TENM4: variants seen among roughly 807,000 people sequenced by gnomAD.
TENM4 encodes the protein teneurin-4.
A neutral mutation model predicts 243.3 loss-of-function variants in TENM4; 82 were observed. The ratio of observed to expected loss-of-function variants is 0.34; its 90% CI spans 0.28 to 0.40. The LOEUF is 0.40. Ranked by LOEUF, TENM4 falls within the 10% of genes least tolerant of loss-of-function variation. The pLI is 1.00. For synonymous variants in TENM4, 1,412 were observed against 1,456.3 expected, an observed-to-expected ratio of 0.97 and a Z score of 0.69; for missense variants, 3,138 against 3,673.3, an observed-to-expected ratio of 0.85 and a Z score of 3.77.
At chr11:79,184,542 GGT>G (rs60559034) in intron 3 of TENM4, among the ~76,000 whole-genome samples, 10,399 of 148,876 alleles carry the variant, frequency 0.07, 831 homozygotes, top group East Asian at 0.4. Flanking sequence ...ATGGGGTAGG[GGT>G]GTGGGGGTGG....
chr11:78,712,760 T>C (rs752829559), intron 25 of TENM4, 46 bp from the exon 26 acceptor site: 3 of 1,556,122 alleles, frequency 1.9e-6, no homozygotes, highest in Non-Finnish European at 2.7e-6. Context: ...TTCTTCTTCC[T>C]ATGAGTAGCT....
chr11:78,761,775 T>C (rs1856436304), intron 18 of TENM4, among the ~76,000 whole-genome samples: 1 of 150,834 alleles, frequency 6.6e-6, no homozygotes, highest in Non-Finnish European at 1.5e-5. Context: ...CTGTTTTTTT[T>C]AGTCCTTTTC....
intron 6 of TENM4, among the ~76,000 whole-genome samples, chr11:79,051,833 T>G (rs1591242937): frequency 6.6e-6 from 1 of 152,190 alleles, no homozygotes; most frequent in Non-Finnish European, 1.5e-5. Flanking sequence ...CCATGTGTTC[T>G]CAGCATTCAG....
intron 2 of TENM4, among the ~76,000 whole-genome samples, chr11:79,256,600 C>T (rs1855704532): frequency 6.6e-6 from 1 of 152,232 alleles, no homozygotes; most frequent in East Asian, 1.9e-4. Flanking sequence ...GAGTTTCCAT[C>T]TCAGAGTTCA....
chr11:78,724,740 C>T (rs1303695134), intron 23 of TENM4, among the ~76,000 whole-genome samples: 2 of 152,248 alleles, frequency 1.3e-5, no homozygotes, highest in African/African-American at 2.4e-5. Flanking sequence ...CAGCTACATC[C>T]ACGACTAAGT....
At chr11:79,169,981 C>T (rs1591330214) in intron 3 of TENM4, among the ~76,000 whole-genome samples, 1 of 152,180 alleles carries the variant, frequency 6.6e-6, no homozygotes. Context: ...TAGGATGGGG[C>T]TTTTCTTTCT....
intron 9 of TENM4, among the ~76,000 whole-genome samples, chr11:78,867,775 T>C (rs567627964): frequency 2.0e-5 from 3 of 152,260 alleles, no homozygotes; most frequent in Admixed American, 6.5e-5. Flanking sequence ...AGAGCTATAG[T>C]GCTATATTCT....
chr11:78,901,921 A>C (rs1325930600), intron 7 of TENM4, among the ~76,000 whole-genome samples: 1 of 152,234 alleles, frequency 6.6e-6, no homozygotes, highest in Non-Finnish European at 1.5e-5. Flanking sequence ...AAAGTGGTAC[A>C]AACAATGTTC....
chr11:79,089,972 T>C (rs1424768309), intron 4 of TENM4, among the ~76,000 whole-genome samples: 4 of 152,200 alleles, frequency 2.6e-5, no homozygotes, highest in African/African-American at 9.7e-5. Context: ...AGCTATATCA[T>C]GGAGGTGATA....
intron 9 of TENM4, among the ~76,000 whole-genome samples, chr11:78,876,409 T>C (rs1859269792): frequency 6.6e-6 from 1 of 152,258 alleles, no homozygotes; most frequent in African/African-American, 2.4e-5. Flanking sequence ...CACTTTAATG[T>C]GGACTCTTCT....
intron 1 of TENM4, among the ~76,000 whole-genome samples, chr11:79,384,651 C>T (rs12295185): frequency 0.1 from 15,270 of 152,100 alleles, 806 homozygotes; most frequent in East Asian, 0.13. Context: ...ACTCGGAGCA[C>T]GCAGTGGCTC....
At chr11:78,847,351 A>C (rs1858420672) in intron 12 of TENM4, among the ~76,000 whole-genome samples, 1 of 152,228 alleles carries the variant, frequency 6.6e-6, no homozygotes, top group Admixed American at 6.5e-5. Context: ...TCAGCAATCG[A>C]AGGTAAGATC....
intron 6 of TENM4, among the ~76,000 whole-genome samples, chr11:78,987,981 T>C (rs760271104): frequency 1.3e-4 from 20 of 152,192 alleles, no homozygotes; most frequent in Non-Finnish European, 2.4e-4. Flanking sequence ...ATGTAAGGTG[T>C]AGCCAGGTTG....
chr11:79,174,506 G>T (rs509003), intron 3 of TENM4, among the ~76,000 whole-genome samples: 46,953 of 151,768 alleles, frequency 0.31, 7,502 homozygotes, highest in East Asian at 0.44. Context: ...GTCTTTCATC[G>T]GCTCTTCCAG....
At chr11:79,400,006 C>T (rs1858423368) in intron 1 of TENM4, among the ~76,000 whole-genome samples, 1 of 151,880 alleles carries the variant, frequency 6.6e-6, no homozygotes, top group Non-Finnish European at 1.5e-5. Context: ...CCTGACAAAC[C>T]AGAGAGCTAT....
chr11:79,338,810 C>T (rs1175834817), intron 1 of TENM4, among the ~76,000 whole-genome samples: 1 of 152,204 alleles, frequency 6.6e-6, no homozygotes, highest in Admixed American at 6.5e-5. Flanking sequence ...TTGGACAAGT[C>T]ACACTCACGG....
At chr11:78,766,701 C>T (rs1456748673) in intron 18 of TENM4, among the ~76,000 whole-genome samples, 5 of 93,972 alleles carry the variant, frequency 5.3e-5, no homozygotes, top group Non-Finnish European at 1.1e-4. Context: ...TGTTCGGCTC[C>T]CCCAATTTTT....
At chr11:78,788,582 G>A (rs1022621139) in intron 15 of TENM4, among the ~76,000 whole-genome samples, 1 of 152,228 alleles carries the variant, frequency 6.6e-6, no homozygotes, top group East Asian at 1.9e-4. Context: ...GCATGATGCT[G>A]CCTTGCAGCA....
chr11:78,686,892 G>A (rs957663188), intron 29 of TENM4, among the ~76,000 whole-genome samples: 1 of 152,216 alleles, frequency 6.6e-6, no homozygotes, highest in East Asian at 1.9e-4. Context: ...AAATTTGGGA[G>A]TAAAAGTGGT....
Sources: gnomAD v4.1 joint callset for allele counts (sites outside exome capture counted in the v4.1 genomes callset) on GRCh38, gnomAD v4.1.1 for gene constraint, MANE v1.5 for transcripts, NCBI Gene and HGNC (gene_info 2026-07-23, HGNC 2026-07-21) for gene names.